NEK7: variants seen among roughly 807,000 people sequenced by gnomAD.
NEK7 encodes NIMA related kinase 7, also known as serine/threonine-protein kinase Nek7.
NEK7 carries 18 observed loss-of-function variants against 44.6 expected under a neutral mutation model. That is an observed-to-expected ratio of 0.40 (90% CI 0.28 to 0.60). The LOEUF is 0.60. Among genes scored for constraint, NEK7 ranks in the 20% least tolerant of loss-of-function variants. NEK7 has a pLI of 0.38. For synonymous variants in NEK7, 130 were observed against 121.1 expected (o/e 1.07, Z -0.48); for missense variants, 256 against 366.5 (o/e 0.70, Z 2.46).
chr1:198,195,575 C>T (rs533608799), intron 1 of NEK7, among the ~76,000 whole-genome samples: 6 of 152,280 alleles, frequency 3.9e-5, no homozygotes, highest in Non-Finnish European at 7.4e-5. Context: ...GATCCCAGCA[C>T]TTTGGGAGGC....
intron 3 of NEK7, among the ~76,000 whole-genome samples, chr1:198,260,788 G>A (rs1343152198): frequency 1.3e-5 from 2 of 151,952 alleles, no homozygotes; most frequent in Non-Finnish European, 2.9e-5. Flanking sequence ...CCAAAATAAT[G>A]TTAGTGAAAA....
chr1:198,210,737 A>ATTTTTTT (rs1553250015), intron 1 of NEK7, among the ~76,000 whole-genome samples: 4 of 52,404 alleles, frequency 7.6e-5, no homozygotes, highest in Admixed American at 1.9e-4. Flanking sequence ...TTCAATTTGT[A>ATTTTTTT]TTTCTTTTTT....
chr1:198,237,303 T>C (rs1425787493), intron 2 of NEK7, among the ~76,000 whole-genome samples: 4 of 152,162 alleles, frequency 2.6e-5, no homozygotes, highest in Non-Finnish European at 5.9e-5. Flanking sequence ...GGTGACTCTT[T>C]GTATCTCAAC....
chr1:198,216,293 A>T (rs921458073), intron 1 of NEK7, among the ~76,000 whole-genome samples: 1 of 152,090 alleles, frequency 6.6e-6, no homozygotes, highest in African/African-American at 2.4e-5. Flanking sequence ...TCAAAACTGT[A>T]TAAATACATG....
intron 1 of NEK7, among the ~76,000 whole-genome samples, chr1:198,229,449 C>T (rs746688700): frequency 2.6e-5 from 4 of 152,170 alleles, no homozygotes; most frequent in Admixed American, 6.5e-5. Context: ...CCCAACTTGA[C>T]GTGGGTTGGT....
intron 9 of NEK7, among the ~76,000 whole-genome samples, chr1:198,311,643 A>G (rs1188971469): frequency 6.6e-6 from 1 of 152,192 alleles, no homozygotes; most frequent in Non-Finnish European, 1.5e-5. Flanking sequence ...AGTTTTTAGC[A>G]TGAAGGGTTA....
chr1:198,212,420 T>A (rs1258771589), intron 1 of NEK7, among the ~76,000 whole-genome samples: 1 of 152,186 alleles, frequency 6.6e-6, no homozygotes, highest in Non-Finnish European at 1.5e-5. Flanking sequence ...CCTTGCCACG[T>A]ACCTGGGAGC....
chr1:198,194,486 T>TCTCTACGTGTCTGTTGTTTCC (rs1665172329), intron 1 of NEK7, among the ~76,000 whole-genome samples: 1 of 116,482 alleles, frequency 8.6e-6, no homozygotes, highest in Non-Finnish European at 1.8e-5. Context: ...CTGTTGTTTC[T>TCTCTACGTGTCTGTTGTTTCC]CTCTATGTGT....
At chr1:198,160,456 C>T (rs978315447) in intron 1 of NEK7, among the ~76,000 whole-genome samples, 1 of 152,056 alleles carries the variant, frequency 6.6e-6, no homozygotes, top group African/African-American at 2.4e-5. Flanking sequence ...TAAGTGTTTA[C>T]CCCTTCGAAT....
chr1:198,197,947 G>C (rs1296333807), intron 1 of NEK7: 1 of 1,525,582 alleles, frequency 6.6e-7, no homozygotes, highest in Non-Finnish European at 9.0e-7. Flanking sequence ...TCCAGGGGCA[G>C]GTGGTGGGTA....
At chr1:198,218,322 A>T (rs904423054) in intron 1 of NEK7, among the ~76,000 whole-genome samples, 2 of 151,946 alleles carry the variant, frequency 1.3e-5, no homozygotes, top group African/African-American at 4.8e-5. Context: ...ATTGGGAAAT[A>T]GACACCCTAT....
intron 3 of NEK7, among the ~76,000 whole-genome samples, chr1:198,260,396 T>C (rs188692184): frequency 1.7e-3 from 256 of 152,184 alleles, no homozygotes; most frequent in Middle Eastern, 6.8e-3. Flanking sequence ...GATAGTGATT[T>C]GCCACTCATA....
intron 2 of NEK7, among the ~76,000 whole-genome samples, chr1:198,246,429 C>T (rs72731910): frequency 0.044 from 6,636 of 152,248 alleles, 226 homozygotes; most frequent in Middle Eastern, 0.065. Context: ...ATACACTGCC[C>T]ACTGTTAAAC....
At chr1:198,231,400 G>T (rs1486477718) in intron 1 of NEK7, among the ~76,000 whole-genome samples, 1 of 145,792 alleles carries the variant, frequency 6.9e-6, no homozygotes, top group African/African-American at 2.5e-5. Flanking sequence ...TGTGGTAAAG[G>T]ATAATTTTTT....
At chr1:198,172,526 A>G (rs78613258) in intron 1 of NEK7, among the ~76,000 whole-genome samples, 11,637 of 152,202 alleles carry the variant, frequency 0.076, 541 homozygotes, top group East Asian at 0.17. Flanking sequence ...GTCCCAGTAT[A>G]GTTTAAGAAA....
chr1:198,320,756 G>C lies in NEK7; in HGVS notation c.*1234G>C, dbSNP rs1655512197. On this transcript the variant is annotated 3_prime_UTR_variant, in exon 10 of 10. Transcript: ENST00000367385. ...TGACAAGGTTGTAATTCTAGAATAT[G>C]CTTAATAAAATGAAAACTGGCCATG... The C allele has an allele frequency of 6.6e-6, 1 of 152,136 alleles. No homozygotes were observed. Among genetic ancestry groups the C allele is most frequent in the South Asian group, 2.1e-4 (1 of 4,834 alleles). 9.4% of individuals were successfully genotyped at this position (152,136 alleles called of 1,614,324 possible).
intron 1 of NEK7, among the ~76,000 whole-genome samples, chr1:198,212,395 C>T (rs550250272): frequency 1.3e-5 from 2 of 152,286 alleles, no homozygotes; most frequent in Admixed American, 6.5e-5. Flanking sequence ...CAAAACACTG[C>T]GGGTGTGAGA....
At chr1:198,221,089 T>C (rs1367949000) in intron 1 of NEK7, 1 of 152,124 alleles carries the variant, frequency 6.6e-6, no homozygotes, top group Non-Finnish European at 1.5e-5. Flanking sequence ...TGAAGCTCTA[T>C]TTGAAATCTC....
chr1:198,233,728 T>A (rs1666466163), intron 2 of NEK7, among the ~76,000 whole-genome samples: 1 of 151,656 alleles, frequency 6.6e-6, no homozygotes, highest in Non-Finnish European at 1.5e-5. Flanking sequence ...TTTCCAAACT[T>A]ATTTGTCTAT....
Sources: allele counts gnomAD v4.1 joint callset (sites outside exome capture counted in the v4.1 genomes callset), GRCh38; gene constraint gnomAD v4.1.1; transcripts MANE v1.5; gene names NCBI Gene and HGNC (gene_info 2026-07-23, HGNC 2026-07-21).